The following SOX5 variants were observed in gnomAD, a reference collection of about 807,000 sequenced individuals.
SOX5 encodes the protein transcription factor SOX-5.
In SOX5, 9 loss-of-function variants were observed where a neutral mutation model predicts 92.0. That is an observed-to-expected ratio of 0.10 (90% CI 0.06 to 0.17). The LOEUF is 0.17. SOX5 is among the 10% of genes least tolerant of loss of function. The pLI is 1.00. For missense variants in SOX5, 642 were observed against 944.5 expected (o/e 0.68, Z 4.20); for synonymous variants, 344 against 336.3 (o/e 1.02, Z -0.25).
chr12:24,352,574 T>C (rs1954221378), intron 2 of SOX5, among the ~76,000 whole-genome samples: 1 of 152,234 alleles, frequency 6.6e-6, no homozygotes, highest in African/African-American at 2.4e-5. Flanking sequence ...TCTAGTTGAC[T>C]TCTCTTTTCA....
At chr12:24,419,858 A>C (rs1006827823) in intron 1 of SOX5, among the ~76,000 whole-genome samples, 1 of 152,246 alleles carries the variant, frequency 6.6e-6, no homozygotes, top group Admixed American at 6.5e-5. Context: ...TGCTAAAAAA[A>C]AGTGAAACTC....
chr12:24,067,449 T>A (rs958213811), intron 4 of SOX5, among the ~76,000 whole-genome samples: 2 of 152,090 alleles, frequency 1.3e-5, no homozygotes, highest in East Asian at 3.9e-4. Flanking sequence ...TTATATTAAG[T>A]TAAAATATCC....
chr12:23,710,464 C>G (rs1435392269), intron 6 of SOX5, among the ~76,000 whole-genome samples: 1 of 152,088 alleles, frequency 6.6e-6, no homozygotes, highest in Non-Finnish European at 1.5e-5. Context: ...TTGTTCACTT[C>G]CCACCTATGA....
intron 4 of SOX5, among the ~76,000 whole-genome samples, chr12:23,965,423 G>C (rs1947439447): frequency 6.6e-6 from 1 of 152,116 alleles, no homozygotes. Flanking sequence ...ACCACAGTTA[G>C]ATGGGGGGGA....
At chr12:24,351,917 A>G (rs1312352742) in intron 2 of SOX5, among the ~76,000 whole-genome samples, 1 of 152,228 alleles carries the variant, frequency 6.6e-6, no homozygotes, top group African/African-American at 2.4e-5. Flanking sequence ...CAGGTCATTA[A>G]TGTCTTGAAT....
intron 3 of SOX5, among the ~76,000 whole-genome samples, chr12:24,265,686 T>C (rs2140286699): frequency 6.6e-6 from 1 of 152,334 alleles, no homozygotes; most frequent in East Asian, 1.9e-4. Flanking sequence ...AAGAATAAAT[T>C]TTGAAATCAG....
intron 4 of SOX5, among the ~76,000 whole-genome samples, chr12:24,096,934 GT>G (rs1311158697): frequency 6.6e-6 from 1 of 152,088 alleles, no homozygotes; most frequent in Non-Finnish European, 1.5e-5. Context: ...TGTGTTTAAT[GT>G]TTTGAGGCAC....
At chr12:24,200,042 G>A (rs569979806) in intron 4 of SOX5, among the ~76,000 whole-genome samples, 139 of 152,246 alleles carry the variant, frequency 9.1e-4, no homozygotes, top group Non-Finnish European at 1.6e-3. Flanking sequence ...ATCAAGGATT[G>A]AATGAACCCA....
At chr12:23,572,078 C>G (rs1948458576) in intron 10 of SOX5, among the ~76,000 whole-genome samples, 1 of 152,160 alleles carries the variant, frequency 6.6e-6, no homozygotes, top group African/African-American at 2.4e-5. Context: ...TCCTTTGGAG[C>G]TGCCTATCAT....
Position 24,247,213 on chromosome 12 carries a change from G to A in SOX5, c.-77+30003C>T, listed in dbSNP as rs923713770. On this transcript the variant is annotated intron_variant, in intron 3 of 4. Transcript: ENST00000446891. ...AAAGGCCTGATCCTTGCTGGGAGCT[G>A]TTAGTTTAGAAGGGAGATAAACATT... 1.3e-4 allele frequency among the ~76,000 whole-genome samples: 19 copies of A among 148,886 alleles called. No homozygotes were observed. In the East Asian group the frequency reaches 3.2e-3, roughly 25 times the overall value.
intron 1 of SOX5, among the ~76,000 whole-genome samples, chr12:24,558,399 A>C (rs903478238): frequency 5.3e-5 from 8 of 152,134 alleles, no homozygotes; most frequent in African/African-American, 1.9e-4. Context: ...TAGTTAGCCT[A>C]CCTTTGACCC....
intron 8 of SOX5, among the ~76,000 whole-genome samples, chr12:23,625,075 T>C (rs1224634897): frequency 6.6e-6 from 1 of 152,160 alleles, no homozygotes; most frequent in Non-Finnish European, 1.5e-5. Context: ...GTAGTCAGGG[T>C]TCACCATACA....
intron 3 of SOX5, among the ~76,000 whole-genome samples, chr12:23,792,559 G>T (rs1187503173): frequency 2.9e-5 from 4 of 139,240 alleles, no homozygotes; most frequent in Admixed American, 7.9e-5. Flanking sequence ...GGAGGCAGAG[G>T]TTGCAGTGAG....
chr12:24,333,548 G>A (rs542946720), intron 2 of SOX5, among the ~76,000 whole-genome samples: 1 of 151,896 alleles, frequency 6.6e-6, no homozygotes, highest in Admixed American at 6.6e-5. Context: ...TTTACTAGAT[G>A]ATAAAATGAC....
At chr12:24,460,361 G>A (rs1003989781) in intron 1 of SOX5, among the ~76,000 whole-genome samples, 11 of 152,212 alleles carry the variant, frequency 7.2e-5, no homozygotes, top group South Asian at 2.1e-4. Flanking sequence ...GAATATGATA[G>A]TGTCTGTCAC....
intron 4 of SOX5, among the ~76,000 whole-genome samples, chr12:24,086,379 A>T (rs1569538189): frequency 1.3e-5 from 2 of 151,958 alleles, no homozygotes; most frequent in African/African-American, 4.8e-5. Context: ...TGCTTGTAAA[A>T]ACTGCCACAG....
intron 4 of SOX5, among the ~76,000 whole-genome samples, chr12:24,175,038 C>G (rs1394756103): frequency 6.6e-6 from 1 of 152,176 alleles, no homozygotes; most frequent in African/African-American, 2.4e-5. Flanking sequence ...GGCCTTACCT[C>G]AAAGCTCAGA....
At chr12:23,745,588 C>T (rs550816998) in intron 4 of SOX5, among the ~76,000 whole-genome samples, 1 of 152,192 alleles carries the variant, frequency 6.6e-6, no homozygotes, top group East Asian at 1.9e-4. Flanking sequence ...CTAACATTAT[C>T]CCACCACCAC....
intron 4 of SOX5, among the ~76,000 whole-genome samples, chr12:24,203,767 T>TA (rs1957757151): frequency 6.6e-6 from 1 of 152,224 alleles, no homozygotes; most frequent in African/African-American, 2.4e-5. Context: ...TGTTCATTTT[T>TA]AAAAAATTTT....
Sources: allele counts gnomAD v4.1 joint callset (sites outside exome capture counted in the v4.1 genomes callset), GRCh38; gene constraint gnomAD v4.1.1; transcripts MANE v1.5; gene names NCBI Gene and HGNC (gene_info 2026-07-23, HGNC 2026-07-21).